The following EXOC6 variants were observed in gnomAD, a reference collection of about 807,000 sequenced individuals.
EXOC6 encodes exocyst complex component 6.
A neutral mutation model predicts 112.5 loss-of-function variants in EXOC6; 60 were observed. The ratio of observed to expected loss-of-function variants is 0.53; its 90% confidence interval spans 0.43 to 0.66. The LOEUF (loss-of-function observed/expected upper bound fraction) is 0.66, where lower values mean the gene tolerates loss of function less well. Among genes scored for constraint, EXOC6 ranks in the 30% least tolerant of loss-of-function variants. EXOC6 has a pLI of 0.00. For synonymous variants in EXOC6, 295 were observed against 308.0 expected (o/e 0.96, Z 0.44); for missense variants, 855 against 957.1 (o/e 0.89, Z 1.41).
At chr10:92,865,773 A>G (rs1848145484) in intron 1 of EXOC6, among the ~76,000 whole-genome samples, 1 of 152,062 alleles carries the variant, frequency 6.6e-6, no homozygotes, top group Non-Finnish European at 1.5e-5. Context: ...CCTACTGTTG[A>G]CTGGAAGCCT....
chr10:93,041,201 T>C (rs1295123243), intron 20 of EXOC6, among the ~76,000 whole-genome samples: 1 of 151,566 alleles, frequency 6.6e-6, no homozygotes, highest in Non-Finnish European at 1.5e-5. Flanking sequence ...CTCAAACCCA[T>C]CCTCTTCTCT....
In EXOC6 at chr10:92,896,658, G is replaced by A. The variant is rs1849846219; in HGVS notation, c.412+1638G>A. ...GCTGGAGTGCAGTGGCTGAATCTTGGTTCACTGCAACCTCAGCCTCCCAAG... is the reference window on the plus strand; with the variant it reads ...GCTGGAGTGCAGTGGCTGAATCTTGATTCACTGCAACCTCAGCCTCCCAAG... On this transcript the variant is annotated intron_variant, in intron 4 of 21. Transcript: ENST00000260762. 2.0e-5 allele frequency among the ~76,000 whole-genome samples: 3 copies of A among 151,748 alleles called. No homozygotes were observed. In the South Asian group the frequency reaches 6.2e-4, roughly 32 times the overall value.
chr10:92,915,565 A>AT (rs1172917198), intron 6 of EXOC6, among the ~76,000 whole-genome samples, 193 bp from the exon 7 acceptor site: 48,884 of 109,032 alleles, frequency 0.45, 11,605 homozygotes, highest in East Asian at 0.7. Flanking sequence ...TGAGACCCTG[A>AT]TTTTTTTTTT....
chr10:92,883,713 A>G (rs984219440), intron 1 of EXOC6, among the ~76,000 whole-genome samples: 8 of 152,288 alleles, frequency 5.3e-5, no homozygotes, highest in African/African-American at 1.9e-4. Flanking sequence ...TGTGAAAGCA[A>G]TTTTTTATTG....
chr10:92,858,238 ATCT>A (rs1209001808), intron 1 of EXOC6, among the ~76,000 whole-genome samples: 3 of 151,862 alleles, frequency 2.0e-5, no homozygotes, highest in African/African-American at 7.3e-5. Context: ...GAGTTTGTTG[ATCT>A]TCTTAGATAT....
chr10:92,996,480 G>C (rs1470389077), intron 18 of EXOC6, among the ~76,000 whole-genome samples: 2 of 152,102 alleles, frequency 1.3e-5, no homozygotes, highest in African/African-American at 4.8e-5. Context: ...AGCCAGGCGT[G>C]GTGGTGGGCA....
intron 20 of EXOC6, among the ~76,000 whole-genome samples, chr10:93,053,358 T>C (rs1340778734): frequency 6.6e-6 from 1 of 152,238 alleles, no homozygotes; most frequent in African/African-American, 2.4e-5. Context: ...TTTTTTGTTT[T>C]ATCCTTCACT....
chr10:92,896,846 G>A (rs1849856211), intron 4 of EXOC6, among the ~76,000 whole-genome samples: 1 of 152,136 alleles, frequency 6.6e-6, no homozygotes, highest in African/African-American at 2.4e-5. Context: ...GTAAGCCACT[G>A]CGCCTGGCCT....
chr10:92,886,109 A>G (rs1023306513), intron 1 of EXOC6, among the ~76,000 whole-genome samples: 13 of 152,240 alleles, frequency 8.5e-5, no homozygotes, highest in Non-Finnish European at 1.8e-4. Context: ...TAGAATGGCA[A>G]TAAATCTAGC....
At chr10:92,911,002 T>C (rs1242277009) in intron 6 of EXOC6, among the ~76,000 whole-genome samples, 1 of 152,160 alleles carries the variant, frequency 6.6e-6, no homozygotes, top group East Asian at 1.9e-4. Context: ...TGTAAAAATA[T>C]TAGTGGAAGA....
chr10:92,994,172 T>G (rs1054633327), intron 18 of EXOC6, among the ~76,000 whole-genome samples: 1 of 152,210 alleles, frequency 6.6e-6, no homozygotes, highest in Non-Finnish European at 1.5e-5. Flanking sequence ...ATAAATCATA[T>G]TGACTGACAC....
Position 93,058,624 on chromosome 10 carries a change from C to A in EXOC6, c.*269C>A. The A allele has an allele frequency of 3.4e-6, 1 of 293,042 alleles. No homozygotes were observed. The highest frequency in any genetic ancestry group is 6.2e-6 in the Non-Finnish European group (1 of 160,008). 18.2% of individuals were successfully genotyped at this position (293,042 alleles called of 1,614,324 possible). ...AATACATAAATTGTCACAAATTATA[C>A]ATGAAATTGATTACAAATACATTTG... On this transcript the variant is annotated 3_prime_UTR_variant, in exon 22 of 22. Transcript: ENST00000260762.
chr10:93,043,997 G>C (rs901262693), intron 20 of EXOC6, among the ~76,000 whole-genome samples: 2 of 152,154 alleles, frequency 1.3e-5, no homozygotes, highest in Non-Finnish European at 2.9e-5. Flanking sequence ...TCTCTGTTTC[G>C]TTGTCTCAGA....
rs116858872 is a variant in EXOC6, at chr10:92,850,099, A to G, written c.101+1465A>G. Among the ~76,000 whole-genome samples, 477 of 152,322 alleles carry G rather than the reference A, an allele frequency of 3.1e-3. 1 individual carries two copies. The highest frequency in any genetic ancestry group is 4.6e-3 in the Non-Finnish European group (312 of 68,026). ...CTTTGTTTTCATCACTGCATCTTGA[A>G]ACTGAGAGTGCAGTGTGTGATAAAG... On this transcript the variant is annotated intron_variant, in intron 1 of 21. Coordinates refer to ENST00000260762, the MANE Select transcript of EXOC6 (RefSeq NM_019053.6).
intron 13 of EXOC6, among the ~76,000 whole-genome samples, chr10:92,944,687 TC>T (rs1218107842): frequency 1.3e-5 from 2 of 152,204 alleles, no homozygotes; most frequent in African/African-American, 2.4e-5. Flanking sequence ...GTGCAAAGGT[TC>T]CCTTTCTCCA....
intron 1 of EXOC6, among the ~76,000 whole-genome samples, chr10:92,851,350 A>G (rs575431984): frequency 2.9e-4 from 44 of 152,334 alleles, no homozygotes; most frequent in African/African-American, 7.2e-4. Flanking sequence ...GACGATACAA[A>G]TTAAAAATAA....
chr10:92,996,490 A>C (rs531385935), intron 18 of EXOC6, among the ~76,000 whole-genome samples: 1 of 151,942 alleles, frequency 6.6e-6, no homozygotes, highest in Admixed American at 6.6e-5. Flanking sequence ...GGTGGTGGGC[A>C]CCTGTAGTCC....
chr10:92,875,404 C>A (rs149179392), intron 1 of EXOC6, among the ~76,000 whole-genome samples: 1 of 152,210 alleles, frequency 6.6e-6, no homozygotes, highest in Admixed American at 6.5e-5. Flanking sequence ...ATTCTTATAG[C>A]ATGGACTTTG....
chr10:93,009,996 A>G (rs1370451735), intron 19 of EXOC6, among the ~76,000 whole-genome samples: 1 of 152,224 alleles, frequency 6.6e-6, no homozygotes, highest in Non-Finnish European at 1.5e-5. Flanking sequence ...GTGTTTCAGT[A>G]ATCCAAGCAA....
Sources: gnomAD v4.1 joint callset for allele counts (sites outside exome capture counted in the v4.1 genomes callset) on GRCh38, gnomAD v4.1.1 for gene constraint, MANE v1.5 for transcripts, NCBI Gene and HGNC (gene_info 2026-07-23, HGNC 2026-07-21) for gene names.